CEP295: variants seen among roughly 807,000 people sequenced by gnomAD.
The protein encoded by CEP295 is centrosomal protein 295.
In CEP295, 190 loss-of-function variants were observed where a neutral mutation model predicts 291.6. The observed-to-expected ratio is 0.65, with a 90% CI of 0.58 to 0.73. The LOEUF (loss-of-function observed/expected upper bound fraction) is 0.73, where lower values mean the gene tolerates loss of function less well. Ranked by LOEUF, CEP295 falls within the 30% of genes least tolerant of loss-of-function variation. The probability of loss-of-function intolerance (pLI) is 0.00; values close to 1 mark genes in which losing one functional copy is unlikely to be tolerated. For missense variants in CEP295, 2,863 were observed against 2,949.4 expected, an observed-to-expected ratio of 0.97 and a Z score of 0.68; for synonymous variants, 993 against 1,038.8, an observed-to-expected ratio of 0.96 and a Z score of 0.85.
At chr11:93,673,545 G>A (rs1189398476) in intron 5 of CEP295, among the ~76,000 whole-genome samples, 2 of 151,952 alleles carry the variant, frequency 1.3e-5, no homozygotes, top group Non-Finnish European at 2.9e-5. Context: ...CCAGGCTGGA[G>A]GGCAGTGGTG....
Position 93,699,250 on chromosome 11 carries a change from A to G in CEP295, c.4338A>G (p.Ser1446=). The stretch of plus-strand genomic sequence containing the variant: ...TGCCTGATGGGCTGTTGGGTTTATC[A>G]CATCTTGTTTTACCTCAACAAGATA... ...PTLPDGLLGL[S]HLVLPQQDNL... is the part of the protein sequence containing the mutation. Residue 1446 remains serine (S), a synonymous_variant, in exon 15 of 30, where the codon TCA becomes TCG. Transcript: ENST00000325212. 6.4e-7 allele frequency: 1 copy of G among 1,551,854 alleles called. No homozygotes were observed. Among genetic ancestry groups the G allele is most frequent in the Non-Finnish European group, 8.7e-7 (1 of 1,146,964 alleles).
In CEP295 at chr11:93,702,789, G is replaced by GAAA; in HGVS notation, c.5467_5469dup (p.Lys1823dup). ...TTGACTTAATAGGTGAGCATCTGGA[G>GAAA]AAAGATCTGGGGAGAAGATCCTCAA... On this transcript the variant is annotated inframe_insertion, in exon 17 of 30. Coordinates refer to ENST00000325212, the MANE Select transcript of CEP295 (RefSeq NM_033395.2). 1 of 1,551,856 alleles carries GAAA rather than the reference G, an allele frequency of 6.4e-7. No individual in the cohort carries two copies. The highest frequency in any genetic ancestry group is 1.2e-5 in the South Asian group (1 of 83,998).
intron 9 of CEP295, among the ~76,000 whole-genome samples, chr11:93,686,519 CATT>C (rs1018586464): frequency 1.3e-5 from 2 of 152,106 alleles, no homozygotes; most frequent in Non-Finnish European, 2.9e-5. Context: ...CTAGAAATCT[CATT>C]GTTTTTAAAA....
chr11:93,662,093 C>A (rs1318276146), intron 1 of CEP295, among the ~76,000 whole-genome samples: 2 of 152,198 alleles, frequency 1.3e-5, no homozygotes, highest in South Asian at 2.1e-4. Context: ...GGGCGCTTCC[C>A]CCAGATCACC....
At chr11:93,673,570 T>G (rs1032987169) in intron 5 of CEP295, among the ~76,000 whole-genome samples, 1 of 152,096 alleles carries the variant, frequency 6.6e-6, no homozygotes, top group Non-Finnish European at 1.5e-5. Flanking sequence ...CTCGGCTCCC[T>G]GCAACCTCTG....
intron 10 of CEP295, 34 bp downstream of exon 10, chr11:93,687,899 C>T: frequency 1.6e-5 from 24 of 1,471,410 alleles, no homozygotes; most frequent in Non-Finnish European, 2.2e-5. Flanking sequence ...TTTCTATAAA[C>T]CCTTTTAAGT....
At position 93,695,563 on chromosome 11, in the gene CEP295, T is replaced by A. The variant is rs749258873; in HGVS notation, c.1600T>A (p.Leu534Ile). 1 of 1,487,392 alleles carries A rather than the reference T, an allele frequency of 6.7e-7. No homozygotes were observed. 92.1% of individuals were successfully genotyped at this position (1,487,392 alleles called of 1,614,324 possible). A position where few individuals can be genotyped will look rare whatever the true frequency, so the allele number is the denominator to read the frequency against. Residue 534 changes from leucine to isoleucine, a missense_variant, in exon 13 of 30, where the codon TTA becomes ATA. Physicochemically the swap from Leu to Ile is conservative, Grantham distance 5. Transcript: ENST00000325212. ...ELLEQIEQQK[L>I]RLETDCFRAQ... is the part of the protein sequence containing the mutation. Reference sequence around the variant, plus strand: ...ACTTGAACAAATTGAACAGCAGAAATTAAGATTAGAAACTGACTGCTTCAG... The same window carrying A: ...ACTTGAACAAATTGAACAGCAGAAAATAAGATTAGAAACTGACTGCTTCAG...
chr11:93,713,279 TTACTATTACCA>T (rs1565205229), intron 18 of CEP295, among the ~76,000 whole-genome samples: 1 of 152,238 alleles, frequency 6.6e-6, no homozygotes, highest in African/African-American at 2.4e-5. Context: ...TTCTGTGTAC[TTACTATTACCA>T]GTGATTTTTG....
intron 7 of CEP295, among the ~76,000 whole-genome samples, chr11:93,681,317 A>G (rs866328418): frequency 3.4e-5 from 5 of 148,056 alleles, no homozygotes; most frequent in Non-Finnish European, 5.9e-5. Flanking sequence ...GCTCACTGCA[A>G]CCTTCACCTC....
In CEP295 at chr11:93,704,165, A is replaced by G. The variant is rs149158249; in HGVS notation, c.5596+1246A>G. On this transcript the variant is annotated intron_variant, in intron 17 of 29. Coordinates refer to ENST00000325212, the MANE Select transcript of CEP295 (RefSeq NM_033395.2). ...ATAATTTTCTCGATCAAATTTATCA[A>G]AATAAATTATTTTTTAAAGGGGAAC... is the stretch of plus-strand genomic sequence containing the variant. Among the ~76,000 whole-genome samples the G allele has an allele frequency of 9.4e-4, 143 of 152,284 alleles. 1 individual carries two copies. The highest frequency in any genetic ancestry group is 3.3e-3 in the African/African-American group (137 of 41,548).
chr11:93,671,930 ATAT>A (rs1425177579), intron 5 of CEP295, among the ~76,000 whole-genome samples: 1 of 152,184 alleles, frequency 6.6e-6, no homozygotes, highest in Non-Finnish European at 1.5e-5. Flanking sequence ...ATTTAAGAAA[ATAT>A]TATTTTTTGA....
chr11:93,695,481 G>A lies in CEP295; in HGVS notation c.1534-16G>A. On this transcript the variant is annotated splice_polypyrimidine_tract_variant and intron_variant, in intron 12 of 29. Coordinates refer to ENST00000325212, the MANE Select transcript of CEP295 (RefSeq NM_033395.2). Reference sequence around the variant, plus strand: ...TGAGTTTGTTGTTAATAGATCAATAGTATTTTGTTACCTAGATAATGGAAA... The same window carrying A: ...TGAGTTTGTTGTTAATAGATCAATAATATTTTGTTACCTAGATAATGGAAA... 4.2e-6 allele frequency: 6 copies of A among 1,416,888 alleles called. No individual in the cohort carries two copies. Among genetic ancestry groups the A allele is most frequent in the South Asian group, 1.6e-5 (1 of 61,590 alleles). The allele number at this position is 1,416,888 out of a possible 1,614,324, so 87.8% of individuals were successfully genotyped here. A position where few individuals can be genotyped will look rare whatever the true frequency, so the allele number is the denominator to read the frequency against.
intron 12 of CEP295, among the ~76,000 whole-genome samples, chr11:93,692,604 T>C (rs1321870120): frequency 6.6e-6 from 1 of 152,106 alleles, no homozygotes; most frequent in Non-Finnish European, 1.5e-5. Flanking sequence ...ACTACAGGTA[T>C]AGGCCACCAT....
chr11:93,683,417 T>C, intron 7 of CEP295, 142 bp from the exon 8 acceptor site: 1 of 611,276 alleles, frequency 1.6e-6, no homozygotes, highest in Non-Finnish European at 2.8e-6. Context: ...AATGAATAAA[T>C]GTCTGTCTTT....
chr11:93,713,825 C>T (rs1345689408), intron 18 of CEP295, among the ~76,000 whole-genome samples: 1 of 152,138 alleles, frequency 6.6e-6, no homozygotes, highest in Non-Finnish European at 1.5e-5. Flanking sequence ...TTTTCTAGAT[C>T]TTGTAGGCAT....
chr11:93,695,744 C>T (rs952748607), intron 13 of CEP295, 110 bp downstream of exon 13: 1 of 1,280,826 alleles, frequency 7.8e-7, no homozygotes, highest in South Asian at 1.6e-5. Flanking sequence ...GGCGCGGTGG[C>T]TCATGCCTGT....
chr11:93,685,197 G>T (rs1351322942), intron 9 of CEP295, among the ~76,000 whole-genome samples: 1 of 152,146 alleles, frequency 6.6e-6, no homozygotes, highest in Non-Finnish European at 1.5e-5. Context: ...ATGGAATTCA[G>T]CTATTTTTGC....
rs373767645 is a variant in CEP295 at position 93,683,948 on chromosome 11, A to G, written c.950-16A>G. 8.5e-5 allele frequency: 131 copies of G among 1,539,676 alleles called. No homozygotes were observed. In the African/African-American group the frequency reaches 1.7e-3, roughly 20 times the overall value. ...CATTTTGGAATGGAAACGTGTCTCT[A>G]TTTTTCTTTTTTAAGAGGTGAAAGG... On this transcript the variant is annotated splice_polypyrimidine_tract_variant and intron_variant, in intron 8 of 29. Transcript: ENST00000325212.
At chr11:93,714,436 A>T (rs1403673556) in intron 18 of CEP295, among the ~76,000 whole-genome samples, 2 of 152,184 alleles carry the variant, frequency 1.3e-5, no homozygotes, top group Admixed American at 6.5e-5. Context: ...TTTTTAGTAA[A>T]GACGGGGTTT....
Sources: gnomAD v4.1 joint callset for allele counts (sites outside exome capture counted in the v4.1 genomes callset) on GRCh38, gnomAD v4.1.1 for gene constraint, MANE v1.5 for transcripts, NCBI Gene and HGNC (gene_info 2026-07-23, HGNC 2026-07-21) for gene names.